EFNA5: variants seen among roughly 807,000 people sequenced by gnomAD.
EFNA5 encodes ephrin A5, also known as ephrin-A5.
EFNA5 carries 5 observed loss-of-function variants against 22.9 expected under a neutral mutation model. That is an observed-to-expected ratio of 0.22 (90% confidence interval 0.11 to 0.46). The LOEUF is 0.46. EFNA5 is among the 20% of genes least tolerant of loss of function. EFNA5 has a pLI of 0.99. For missense variants in EFNA5, 237 were observed against 293.3 expected (o/e 0.81, Z 1.40); for synonymous variants, 113 against 112.2 (o/e 1.01, Z -0.04).
At chr5:107,480,673 G>C (rs933191243) in intron 1 of EFNA5, among the ~76,000 whole-genome samples, 9 of 152,140 alleles carry the variant, frequency 5.9e-5, no homozygotes, top group African/African-American at 2.2e-4. Context: ...CTTAAAGACT[G>C]CTTCACAGAG....
intron 1 of EFNA5, among the ~76,000 whole-genome samples, chr5:107,454,233 T>A (rs1749634105): frequency 6.6e-6 from 1 of 152,192 alleles, no homozygotes; most frequent in Non-Finnish European, 1.5e-5. Flanking sequence ...CATTTTTGAG[T>A]AGTTACTTTA....
intron 1 of EFNA5, among the ~76,000 whole-genome samples, chr5:107,432,641 C>A (rs154646): frequency 0.26 from 39,254 of 152,106 alleles, 5,314 homozygotes; most frequent in East Asian, 0.53. Context: ...GTGTTTGAGT[C>A]AAACAATTAC....
intron 1 of EFNA5, among the ~76,000 whole-genome samples, chr5:107,476,876 A>G (rs1255621022): frequency 1.3e-5 from 2 of 152,210 alleles, no homozygotes. Context: ...ACAAATCAGA[A>G]TCAGACAGAA....
At chr5:107,647,793 C>T (rs898487061) in intron 1 of EFNA5, among the ~76,000 whole-genome samples, 1 of 151,996 alleles carries the variant, frequency 6.6e-6, no homozygotes, top group Non-Finnish European at 1.5e-5. Flanking sequence ...ATTAGTCCAC[C>T]GAAAACTCAC....
intron 1 of EFNA5, among the ~76,000 whole-genome samples, chr5:107,459,196 C>T (rs1749772550): frequency 1.3e-5 from 2 of 151,862 alleles, no homozygotes; most frequent in African/African-American, 4.8e-5. Flanking sequence ...AAGTTTGAGA[C>T]CAGCCTGGCC....
chr5:107,408,029 T>G (rs1748267595), intron 2 of EFNA5, among the ~76,000 whole-genome samples: 1 of 152,176 alleles, frequency 6.6e-6, no homozygotes. Context: ...GATACTAATT[T>G]GAAAAACTAA....
Position 107,580,171 on chromosome 5 carries a change from A to G in EFNA5, c.125+90318T>C, listed in dbSNP as rs562821273. 1.2e-4 allele frequency among the ~76,000 whole-genome samples: 18 copies of G among 152,322 alleles called. No homozygotes were observed. In the South Asian group the frequency reaches 1.7e-3, roughly 14 times the overall value. On this transcript the variant is annotated intron_variant, in intron 1 of 4. Transcript: ENST00000333274. ...TTTTCAGTGACCAACTGCCAGTGCA[A>G]TTGAAGATACTTAATATTAAAAGTT...
At chr5:107,475,783 C>T (rs1750268136) in intron 1 of EFNA5, among the ~76,000 whole-genome samples, 1 of 151,582 alleles carries the variant, frequency 6.6e-6, no homozygotes. Flanking sequence ...AAAGTGCAAG[C>T]CCTTTGTGTT....
At chr5:107,594,728 C>T (rs977310064) in intron 1 of EFNA5, among the ~76,000 whole-genome samples, 1 of 152,178 alleles carries the variant, frequency 6.6e-6, no homozygotes, top group Admixed American at 6.5e-5. Flanking sequence ...CACAGCACTC[C>T]CCTGACAGGC....
intron 1 of EFNA5, among the ~76,000 whole-genome samples, chr5:107,519,139 C>T (rs1307372895): frequency 5.9e-5 from 9 of 152,192 alleles, no homozygotes; most frequent in Non-Finnish European, 1.3e-4. Flanking sequence ...ATTACCCTGT[C>T]GTTGTTCTTC....
intron 1 of EFNA5, among the ~76,000 whole-genome samples, chr5:107,640,720 C>T (rs1750481381): frequency 6.6e-6 from 1 of 152,224 alleles, no homozygotes; most frequent in Non-Finnish European, 1.5e-5. Context: ...GGTGAGCGGA[C>T]TGTCTTGCAG....
Position 107,670,681 on chromosome 5 carries a change from G to A in EFNA5, c.-68C>T, listed in dbSNP as rs1395507061. On this transcript the variant is annotated 5_prime_UTR_variant, in exon 1 of 5. Transcript: ENST00000333274. ...GAGAGAGCGGGGATCCGGAGGGAGGGAGGCAGGCAAAGGGACAGAGAGAGA... is the reference window on the plus strand; with the variant it reads ...GAGAGAGCGGGGATCCGGAGGGAGGAAGGCAGGCAAAGGGACAGAGAGAGA... 5 of 1,562,112 alleles carry A rather than the reference G, an allele frequency of 3.2e-6. No individual in the cohort carries two copies. Among genetic ancestry groups the A allele is most frequent in the Non-Finnish European group, 1.7e-6 (2 of 1,154,854 alleles).
intron 1 of EFNA5, among the ~76,000 whole-genome samples, chr5:107,436,914 A>AAAT (rs1365532729): frequency 7.3e-5 from 11 of 151,408 alleles, no homozygotes; most frequent in Admixed American, 6.6e-4. Flanking sequence ...ACAGTTTCAA[A>AAAT]AATAATAATA....
intron 1 of EFNA5, among the ~76,000 whole-genome samples, chr5:107,643,272 G>C (rs546196282): frequency 2.0e-5 from 3 of 152,188 alleles, no homozygotes; most frequent in African/African-American, 4.8e-5. Context: ...GCACTGGACT[G>C]TATGGACTTT....
At chr5:107,614,421 G>A (rs1423384842) in intron 1 of EFNA5, among the ~76,000 whole-genome samples, 1 of 152,080 alleles carries the variant, frequency 6.6e-6, no homozygotes, top group African/African-American at 2.4e-5. Flanking sequence ...TATGTAAAAT[G>A]TGCAATTTAT....
chr5:107,449,377 A>AT (rs1287582909), intron 1 of EFNA5, among the ~76,000 whole-genome samples: 1 of 151,988 alleles, frequency 6.6e-6, no homozygotes, highest in African/African-American at 2.4e-5. Context: ...CATAAAAAAA[A>AT]AAAAATAAGG....
intron 1 of EFNA5, among the ~76,000 whole-genome samples, chr5:107,508,154 C>T (rs915510364): frequency 1.3e-5 from 2 of 152,134 alleles, no homozygotes; most frequent in African/African-American, 2.4e-5. Flanking sequence ...TCTCCTTCCT[C>T]CTGCCACTGA....
chr5:107,466,643 GA>G (rs1435497476), intron 1 of EFNA5, among the ~76,000 whole-genome samples: 2 of 152,186 alleles, frequency 1.3e-5, no homozygotes, highest in Non-Finnish European at 2.9e-5. Context: ...CACAGTTAAT[GA>G]AGTCAGATCT....
chr5:107,600,945 A>G (rs1749580001), intron 1 of EFNA5, among the ~76,000 whole-genome samples: 1 of 152,228 alleles, frequency 6.6e-6, no homozygotes, highest in Non-Finnish European at 1.5e-5. Flanking sequence ...AGACCTATAA[A>G]GATTGAAAGC....
Sources: gnomAD v4.1 joint callset for allele counts (sites outside exome capture counted in the v4.1 genomes callset) on GRCh38, gnomAD v4.1.1 for gene constraint, MANE v1.5 for transcripts, NCBI Gene and HGNC (gene_info 2026-07-23, HGNC 2026-07-21) for gene names.